Variants in DSCAML1 observed in about 807,000 individuals in gnomAD.
DSCAML1 encodes DS cell adhesion molecule like 1.
In DSCAML1, 38 loss-of-function variants were observed where a neutral mutation model predicts 200.5. That is an observed-to-expected ratio of 0.19 (90% CI 0.15 to 0.25). The LOEUF is 0.25. Ranked by LOEUF, DSCAML1 falls within the 10% of genes least tolerant of loss-of-function variation. The pLI is 1.00. For synonymous variants in DSCAML1, 1,215 were observed against 1,165.0 expected (o/e 1.04, Z -0.87); for missense variants, 2,223 against 2,858.8 (o/e 0.78, Z 5.07).
chr11:117,552,637 G>A (rs1161374534), intron 3 of DSCAML1, among the ~76,000 whole-genome samples: 1 of 152,198 alleles, frequency 6.6e-6, no homozygotes, highest in Non-Finnish European at 1.5e-5. Flanking sequence ...GATAATATAT[G>A]CAAGAGGGTC....
At chr11:117,552,433 C>G (rs983318765) in intron 3 of DSCAML1, among the ~76,000 whole-genome samples, 1 of 152,096 alleles carries the variant, frequency 6.6e-6, no homozygotes, top group African/African-American at 2.4e-5. Context: ...ATCCACCCCC[C>G]TCTCCCCTGC....
At chr11:117,614,273 A>G (rs769190874) in intron 3 of DSCAML1, among the ~76,000 whole-genome samples, 1 of 152,120 alleles carries the variant, frequency 6.6e-6, no homozygotes, top group Non-Finnish European at 1.5e-5. Flanking sequence ...CCACCAGCCC[A>G]GTGTCCTCGG....
Position 117,494,271 on chromosome 11 carries a change from G to A in DSCAML1, c.2359+9574C>T, listed in dbSNP as rs144330609. On this transcript the variant is annotated intron_variant, in intron 11 of 32. Transcript: ENST00000651296. ...TAGGCTTTGTGGGCCATAGGTCTCC[G>A]TTGCAAGGACTCCACTCTGCTGTTG... is the stretch of plus-strand genomic sequence containing the variant. Among the ~76,000 whole-genome samples, 258 of 152,306 alleles carry A rather than the reference G, an allele frequency of 1.7e-3. 2 individuals are homozygous for A. Among genetic ancestry groups the A allele is most frequent in the Middle Eastern group, 3.4e-3 (1 of 294 alleles).
intron 3 of DSCAML1, among the ~76,000 whole-genome samples, chr11:117,570,326 A>G (rs918290885): frequency 6.6e-6 from 1 of 152,186 alleles, no homozygotes; most frequent in Non-Finnish European, 1.5e-5. Context: ...AGACTTGCTC[A>G]TAGAACATGC....
At chr11:117,527,553 G>T (rs911281022) in intron 4 of DSCAML1, among the ~76,000 whole-genome samples, 2 of 152,228 alleles carry the variant, frequency 1.3e-5, no homozygotes, top group Admixed American at 6.5e-5. Flanking sequence ...GAATTATAGA[G>T]CTGGCTTAGG....
chr11:117,641,409 C>A (rs2052404038), intron 3 of DSCAML1, among the ~76,000 whole-genome samples: 1 of 152,226 alleles, frequency 6.6e-6, no homozygotes, highest in Non-Finnish European at 1.5e-5. Context: ...TAGTTGCCTG[C>A]ATCCAAGATG....
intron 3 of DSCAML1, among the ~76,000 whole-genome samples, chr11:117,689,714 A>G (rs1211108364): frequency 1.3e-5 from 2 of 152,180 alleles, no homozygotes; most frequent in Non-Finnish European, 2.9e-5. Context: ...ACCCTCCTGG[A>G]GCTTCCCTGA....
chr11:117,454,484 T>C (rs973414101), intron 19 of DSCAML1, among the ~76,000 whole-genome samples: 10 of 152,248 alleles, frequency 6.6e-5, no homozygotes, highest in Admixed American at 4.6e-4. Context: ...AGGGTTTTTT[T>C]CCCCTAGATT....
At chr11:117,771,475 C>T (rs1023732924) in intron 3 of DSCAML1, among the ~76,000 whole-genome samples, 2 of 152,184 alleles carry the variant, frequency 1.3e-5, no homozygotes, top group Non-Finnish European at 2.9e-5. Context: ...GAGCCCAAGC[C>T]TCTGGTCACT....
intron 27 of DSCAML1, among the ~76,000 whole-genome samples, 153 bp downstream of exon 27, chr11:117,435,491 G>A (rs1056191836): frequency 6.6e-6 from 1 of 152,246 alleles, no homozygotes; most frequent in South Asian, 2.1e-4. Context: ...TCTGAACTAA[G>A]GAGGTTTCAG....
intron 3 of DSCAML1, among the ~76,000 whole-genome samples, chr11:117,623,694 A>G (rs913964985): frequency 1.3e-5 from 2 of 152,256 alleles, no homozygotes; most frequent in East Asian, 1.9e-4. Flanking sequence ...TCATATGGTT[A>G]TAAAGATTAA....
intron 1 of DSCAML1, among the ~76,000 whole-genome samples, chr11:117,794,379 C>T (rs1377139332): frequency 1.3e-5 from 2 of 152,062 alleles, no homozygotes; most frequent in Non-Finnish European, 2.9e-5. Flanking sequence ...ATTGGAGACT[C>T]GATAACCGAT....
At chr11:117,719,705 C>G (rs2054013117) in intron 3 of DSCAML1, among the ~76,000 whole-genome samples, 1 of 152,236 alleles carries the variant, frequency 6.6e-6, no homozygotes, top group African/African-American at 2.4e-5. Context: ...CAAGGGTACA[C>G]AGCTCAAAAG....
At chr11:117,753,685 C>T (rs2054637848) in intron 3 of DSCAML1, among the ~76,000 whole-genome samples, 1 of 152,192 alleles carries the variant, frequency 6.6e-6, no homozygotes, top group Non-Finnish European at 1.5e-5. Context: ...TAATGAGAAT[C>T]ACCTTGAATT....
intron 3 of DSCAML1, among the ~76,000 whole-genome samples, chr11:117,614,127 A>ATC (rs151289889): frequency 0.014 from 2,186 of 151,716 alleles, 53 homozygotes; most frequent in African/African-American, 0.05. Context: ...CATCTCCCTT[A>ATC]TCTCTCTCTC....
At chr11:117,470,147 T>C (rs986945030) in intron 15 of DSCAML1, among the ~76,000 whole-genome samples, 167 bp from the exon 16 acceptor site, 3 of 152,170 alleles carry the variant, frequency 2.0e-5, no homozygotes, top group African/African-American at 2.4e-5. Flanking sequence ...GAAAGTAACA[T>C]AGGGTTTCAA....
At position 117,432,515 on chromosome 11, in the gene DSCAML1, A is replaced by G; in HGVS notation, c.5027-11T>C. On this transcript the variant is annotated splice_polypyrimidine_tract_variant and intron_variant, in intron 29 of 32. Transcript: ENST00000651296. ...TGGCCTTGTCATCTCCTGGGGAAAG[A>G]AGGACAATTACTGGGAGTCCTTTAC... 1 of 1,612,224 alleles carries G rather than the reference A, an allele frequency of 6.2e-7. No homozygotes were observed. The highest frequency in any genetic ancestry group is 8.5e-7 in the Non-Finnish European group (1 of 1,179,430).
chr11:117,536,223 T>C (rs1454693619), intron 3 of DSCAML1, among the ~76,000 whole-genome samples: 1 of 152,102 alleles, frequency 6.6e-6, no homozygotes, highest in Admixed American at 6.5e-5. Context: ...TGGACCCTGC[T>C]GGGGAAGGAA....
chr11:117,541,905 T>A (rs1191811186), intron 3 of DSCAML1, among the ~76,000 whole-genome samples: 1 of 152,130 alleles, frequency 6.6e-6, no homozygotes, highest in South Asian at 2.1e-4. Context: ...AGATTGGAAA[T>A]GCTACCCCCA....
Sources: allele counts gnomAD v4.1 joint callset (sites outside exome capture counted in the v4.1 genomes callset), GRCh38; gene constraint gnomAD v4.1.1; transcripts MANE v1.5; gene names NCBI Gene and HGNC (gene_info 2026-07-23, HGNC 2026-07-21).